The following XYLT1 variants were observed in gnomAD, a reference collection of about 807,000 sequenced individuals.
XYLT1 encodes the protein xylosyltransferase 1.
A neutral mutation model predicts 91.3 loss-of-function variants in XYLT1; 36 were observed. The observed-to-expected ratio is 0.39, with a 90% CI of 0.30 to 0.52. XYLT1 has a LOEUF of 0.52. XYLT1 is among the 20% of genes least tolerant of loss of function. The pLI, the probability that XYLT1 is intolerant of heterozygous loss-of-function variation, is 0.68. For synonymous variants in XYLT1, 588 were observed against 532.0 expected (o/e 1.11, Z -1.45); for missense variants, 1,242 against 1,284.5 (o/e 0.97, Z 0.51).
At chr16:17,263,929 G>A (rs2033763183) in intron 2 of XYLT1, among the ~76,000 whole-genome samples, 1 of 151,952 alleles carries the variant, frequency 6.6e-6, no homozygotes, top group African/African-American at 2.4e-5. Flanking sequence ...GGCTGGTCTC[G>A]AACTCCTGAC....
At chr16:17,355,984 G>A (rs1209164628) in intron 2 of XYLT1, among the ~76,000 whole-genome samples, 1 of 152,094 alleles carries the variant, frequency 6.6e-6, no homozygotes, top group Non-Finnish European at 1.5e-5. Flanking sequence ...AAAGTGCTGG[G>A]ATACAGGCGT....
intron 5 of XYLT1, among the ~76,000 whole-genome samples, chr16:17,197,382 CTTACT>C (rs2032451017): frequency 1.3e-5 from 2 of 152,094 alleles, no homozygotes. Flanking sequence ...ACTTTTGCCC[CTTACT>C]TTATTTTTCT....
intron 2 of XYLT1, among the ~76,000 whole-genome samples, chr16:17,343,025 G>T (rs530306142): frequency 1.3e-5 from 2 of 152,144 alleles, no homozygotes; most frequent in Non-Finnish European, 2.9e-5. Context: ...ACAGCTGCCC[G>T]CAGAGAACAG....
chr16:17,112,191 G>A (rs1048851017), intron 11 of XYLT1, among the ~76,000 whole-genome samples: 7 of 152,162 alleles, frequency 4.6e-5, no homozygotes, highest in African/African-American at 1.2e-4. Context: ...TGCGATGCTC[G>A]TCTCTATAAT....
chr16:17,161,892 A>G (rs8060712), intron 5 of XYLT1, among the ~76,000 whole-genome samples: 8,755 of 152,192 alleles, frequency 0.058, 271 homozygotes, highest in South Asian at 0.083. Flanking sequence ...TGCTACCACC[A>G]TGGGAGTCAC....
At chr16:17,338,632 T>C (rs562919332) in intron 2 of XYLT1, 1 of 384,716 alleles carries the variant, frequency 2.6e-6, no homozygotes, top group East Asian at 7.2e-5. Flanking sequence ...ATTCACCCTT[T>C]TTTTTGGGAC....
intron 3 of XYLT1, among the ~76,000 whole-genome samples, chr16:17,204,562 G>A (rs1172736067): frequency 6.6e-6 from 1 of 152,134 alleles, no homozygotes; most frequent in Non-Finnish European, 1.5e-5. Context: ...ATGGGGGGCA[G>A]AGGGGGAAGA....
At chr16:17,304,598 G>A (rs1289756882) in intron 2 of XYLT1, among the ~76,000 whole-genome samples, 1 of 152,160 alleles carries the variant, frequency 6.6e-6, no homozygotes, top group Non-Finnish European at 1.5e-5. Flanking sequence ...TCAACCTGCT[G>A]TAAGCCTACG....
intron 5 of XYLT1, among the ~76,000 whole-genome samples, chr16:17,181,084 A>G (rs749925973): frequency 2.0e-5 from 3 of 152,174 alleles, no homozygotes; most frequent in Non-Finnish European, 4.4e-5. Context: ...GGAGAAATGC[A>G]CTTGATTTTT....
chr16:17,169,973 G>A (rs1469175529), intron 5 of XYLT1, among the ~76,000 whole-genome samples: 1 of 152,200 alleles, frequency 6.6e-6, no homozygotes, highest in Non-Finnish European at 1.5e-5. Flanking sequence ...TTTCAGAGAG[G>A]TGTTTACAGT....
chr16:17,235,274 G>A lies in XYLT1; in HGVS notation c.913+23714C>T, dbSNP rs993111531. ...AGTTGAGACGTGTTGAAAGTGGCCT[G>A]GAACCACTAACAGCCAAATCATCAT... On this transcript the variant is annotated intron_variant, in intron 3 of 11. Transcript: ENST00000261381. Among the ~76,000 whole-genome samples the A allele has an allele frequency of 6.6e-5, 10 of 151,178 alleles. 1 individual carries two copies. The East Asian group carries it at 1.9e-3, about 29-fold the overall frequency.
chr16:17,298,553 G>A (rs74010602), intron 2 of XYLT1, among the ~76,000 whole-genome samples: 6 of 152,270 alleles, frequency 3.9e-5, no homozygotes, highest in East Asian at 3.9e-4. Context: ...TCTGTGAAGC[G>A]TAAGGATGGG....
intron 2 of XYLT1, among the ~76,000 whole-genome samples, chr16:17,330,716 C>T (rs903982598): frequency 2.0e-5 from 3 of 151,878 alleles, no homozygotes; most frequent in Admixed American, 2.0e-4. Context: ...ATCGCTTGAA[C>T]CCGGGAGGCG....
intron 10 of XYLT1, among the ~76,000 whole-genome samples, chr16:17,122,263 T>A (rs972340977): frequency 6.6e-6 from 1 of 152,142 alleles, no homozygotes; most frequent in African/African-American, 2.4e-5. Flanking sequence ...CATGCCAACA[T>A]CTGTTATTTT....
intron 2 of XYLT1, among the ~76,000 whole-genome samples, chr16:17,345,951 T>A (rs1477365217): frequency 6.6e-6 from 1 of 152,092 alleles, no homozygotes; most frequent in African/African-American, 2.4e-5. Context: ...GCTGGGATTA[T>A]AGGCGTGTGC....
rs2141879205 is a variant in XYLT1 at position 17,376,544 on chromosome 16, T to A, written c.364-18494A>T. 2.0e-5 allele frequency among the ~76,000 whole-genome samples: 3 copies of A among 152,298 alleles called. No homozygotes were observed. The South Asian group carries it at 6.2e-4, about 32-fold the overall frequency. ...TCTTTTCTGTTAAAGAACAGGGACC[T>A]GGCTGGGCACAGTGGCTCACGCCTA... On this transcript the variant is annotated intron_variant, in intron 1 of 11. Transcript: ENST00000261381.
intron 1 of XYLT1, among the ~76,000 whole-genome samples, chr16:17,375,481 A>AACACACACACACACACACACACACAC (rs71137985): frequency 0.013 from 1,869 of 147,458 alleles, 26 homozygotes; most frequent in African/African-American, 0.021. Context: ...TAACATTTAA[A>AACACACACACACACACACACACACAC]ACACACACAC....
Position 17,434,502 on chromosome 16 carries a change from C to A in XYLT1, c.363+35932G>T, listed in dbSNP as rs892539286. On this transcript the variant is annotated intron_variant, in intron 1 of 11. Transcript: ENST00000261381. Reference sequence around the variant, plus strand: ...TAAGAAAAGTGAGCTATAAACAAAACAGATCAGGCTTAGCAACCCTGAATA... The same window carrying A: ...TAAGAAAAGTGAGCTATAAACAAAAAAGATCAGGCTTAGCAACCCTGAATA... Among the ~76,000 whole-genome samples the A allele has an allele frequency of 3.7e-4, 56 of 152,272 alleles. 1 individual carries two copies. The highest frequency in any genetic ancestry group is 1.3e-3 in the African/African-American group (54 of 41,562).
chr16:17,353,347 T>TG (rs914620305), intron 2 of XYLT1, among the ~76,000 whole-genome samples: 2 of 151,792 alleles, frequency 1.3e-5, no homozygotes, highest in African/African-American at 2.4e-5. Flanking sequence ...CTGTTGAGGG[T>TG]GGGGGAAGTG....
Sources: allele counts gnomAD v4.1 joint callset (sites outside exome capture counted in the v4.1 genomes callset), GRCh38; gene constraint gnomAD v4.1.1; transcripts MANE v1.5; gene names NCBI Gene and HGNC (gene_info 2026-07-23, HGNC 2026-07-21).